C3orf20: variants seen among roughly 807,000 people sequenced by gnomAD.
C3orf20 encodes the protein family with sequence similarity 149 member C.
In C3orf20, 76 loss-of-function variants were observed where a neutral mutation model predicts 88.3. That is an observed-to-expected ratio of 0.86 (90% CI 0.72 to 1.04). C3orf20 has a LOEUF of 1.04. Among genes scored for constraint, C3orf20 ranks in the 50% least tolerant of loss-of-function variants. The pLI, the probability that C3orf20 is intolerant of heterozygous loss-of-function variation, is 0.00. For missense variants in C3orf20, 1,056 were observed against 1,123.3 expected, an observed-to-expected ratio of 0.94 and a Z score of 0.86; for synonymous variants, 436 against 437.4, an observed-to-expected ratio of 1.00 and a Z score of 0.04.
At chr3:14,741,355 T>C (rs2034892923) in intron 12 of C3orf20, among the ~76,000 whole-genome samples, 1 of 152,210 alleles carries the variant, frequency 6.6e-6, no homozygotes, top group Admixed American at 6.5e-5. Flanking sequence ...GCTTGGCTTC[T>C]CTGCCTGTCA....
intron 5 of C3orf20, among the ~76,000 whole-genome samples, chr3:14,698,524 C>T (rs1262881004): frequency 6.6e-6 from 1 of 152,252 alleles, no homozygotes; most frequent in Non-Finnish European, 1.5e-5. Flanking sequence ...CTTGCAGACT[C>T]AGAGAGGTAC....
chr3:14,717,374 G>A (rs1409800615), intron 9 of C3orf20, among the ~76,000 whole-genome samples: 2 of 152,170 alleles, frequency 1.3e-5, no homozygotes, highest in Non-Finnish European at 2.9e-5. Context: ...AAACAAGGTG[G>A]CCCTGGGGTT....
At position 14,773,030 on chromosome 3, in the gene C3orf20, G is replaced by A. The variant is rs1410084418; in HGVS notation, c.*155G>A. ...AGCATTGGGGTGAGGCTCTGGGGAA[G>A]GACAGACCCAGCTCATTCTGTCTTC... On this transcript the variant is annotated 3_prime_UTR_variant, in exon 17 of 17. Coordinates refer to ENST00000253697, the MANE Select transcript of C3orf20 (RefSeq NM_032137.5). 1 of 633,088 alleles carries A rather than the reference G, an allele frequency of 1.6e-6. No homozygotes were observed. The highest frequency in any genetic ancestry group is 2.8e-5 in the East Asian group (1 of 35,782). 39.2% of individuals were successfully genotyped at this position (633,088 alleles called of 1,614,324 possible). A position where few individuals can be genotyped will look rare whatever the true frequency, so the allele number is the denominator to read the frequency against.
chr3:14,682,632 T>C lies in C3orf20; in HGVS notation c.-82T>C. On this transcript the variant is annotated 5_prime_UTR_variant, in exon 3 of 17. Coordinates refer to ENST00000253697, the MANE Select transcript of C3orf20 (RefSeq NM_032137.5). ...CGTTTCAGCACATCCATTCTGTCCA[T>C]CTCCAAGCCTTCACCGTAGGGAAGA... is the stretch of plus-strand genomic sequence containing the variant. 1 of 1,512,430 alleles carries C rather than the reference T, an allele frequency of 6.6e-7. No individual in the cohort carries two copies. Among genetic ancestry groups the C allele is most frequent in the East Asian group, 2.3e-5 (1 of 44,234 alleles). 93.7% of individuals were successfully genotyped at this position (1,512,430 alleles called of 1,614,324 possible).
chr3:14,729,973 A>G (rs901868732), intron 12 of C3orf20, among the ~76,000 whole-genome samples: 11 of 152,382 alleles, frequency 7.2e-5, no homozygotes, highest in African/African-American at 2.6e-4. Context: ...AATATTACAA[A>G]GTAAACATAT....
intron 13 of C3orf20, among the ~76,000 whole-genome samples, chr3:14,759,546 C>T (rs1353183018): frequency 6.6e-6 from 1 of 152,170 alleles, no homozygotes; most frequent in Non-Finnish European, 1.5e-5. Flanking sequence ...CCTAAGAACA[C>T]AGTTCCCATC....
rs1221697056 is a variant in C3orf20 at position 14,738,807 on chromosome 3, A to AT, written c.1940+10126dup. Among the ~76,000 whole-genome samples the AT allele has an allele frequency of 3.0e-3, 293 of 98,900 alleles. 1 individual carries two copies. The highest frequency in any genetic ancestry group is 4.5e-3 in the African/African-American group (105 of 23,166). The allele number at this position is 98,900 out of a possible 152,430, so 64.9% of individuals were successfully genotyped here. On this transcript the variant is annotated intron_variant, in intron 12 of 16. Coordinates refer to ENST00000253697, the MANE Select transcript of C3orf20 (RefSeq NM_032137.5). ...AGGCATGCACCACCATGCCTGGCTA[A>AT]TTTTTTTGTTTTTTTTTTTTTTTTT...
In C3orf20 at chr3:14,731,301, T is replaced by A. The variant is rs189776749; in HGVS notation, c.1940+2613T>A. On this transcript the variant is annotated intron_variant, in intron 12 of 16. Transcript: ENST00000253697. ...TAATACATACAGGATTCATCCATATTGTTACATGGATCAGCAGTTCATTTC... is the reference window on the plus strand; with the variant it reads ...TAATACATACAGGATTCATCCATATAGTTACATGGATCAGCAGTTCATTTC... Among the ~76,000 whole-genome samples, 18 of 152,350 alleles carry A rather than the reference T, an allele frequency of 1.2e-4. No individual in the cohort carries two copies. The East Asian group carries it at 3.3e-3, about 28-fold the overall frequency.
At chr3:14,688,529 C>CAAAAAAAAAAAAAAAAAAAAA (rs35979290) in intron 4 of C3orf20, among the ~76,000 whole-genome samples, 10 of 105,776 alleles carry the variant, frequency 9.5e-5, no homozygotes, top group East Asian at 2.7e-4. Flanking sequence ...GAGACTGTCT[C>CAAAAAAAAAAAAAAAAAAAAA]AAAAAAAAAA....
chr3:14,742,069 T>C (rs2034916207), intron 12 of C3orf20, among the ~76,000 whole-genome samples: 1 of 152,174 alleles, frequency 6.6e-6, no homozygotes, highest in African/African-American at 2.4e-5. Context: ...GCCTCCTACC[T>C]CAGCAAGAGT....
In C3orf20 at chr3:14,682,593, T is replaced by G; in HGVS notation, c.-121T>G. ...TTCCGGATAGGAACCACTGGCTCAA[T>G]GACCTGTAAGGGCCGTTTCAGCACA... On this transcript the variant is annotated 5_prime_UTR_variant, in exon 3 of 17. It removes an upstream start codon present in the reference 5' UTR. Coordinates refer to ENST00000253697, the MANE Select transcript of C3orf20 (RefSeq NM_032137.5). 6 of 1,298,488 alleles carry G rather than the reference T, an allele frequency of 4.6e-6. No individual in the cohort carries two copies. In the East Asian group the frequency reaches 1.4e-4, roughly 30 times the overall value. 80.4% of individuals were successfully genotyped at this position (1,298,488 alleles called of 1,614,324 possible).
intron 12 of C3orf20, among the ~76,000 whole-genome samples, chr3:14,755,900 G>T (rs2035349549): frequency 6.6e-6 from 1 of 151,616 alleles, no homozygotes; most frequent in African/African-American, 2.4e-5. Flanking sequence ...GTGGTGGTGG[G>T]CGCCTGTAGT....
chr3:14,731,964 C>A (rs1385798749), intron 12 of C3orf20, among the ~76,000 whole-genome samples: 1 of 152,194 alleles, frequency 6.6e-6, no homozygotes, highest in Non-Finnish European at 1.5e-5. Flanking sequence ...ATACTGTGAG[C>A]AGGCTTTTAT....
chr3:14,727,172 A>G (rs998036379), intron 11 of C3orf20, 148 bp downstream of exon 11: 61 of 953,498 alleles, frequency 6.4e-5, no homozygotes, highest in Non-Finnish European at 9.3e-5. Context: ...TAGCAGAGAT[A>G]TTTCCCCATT....
At chr3:14,729,935 G>A (rs1195969330) in intron 12 of C3orf20, among the ~76,000 whole-genome samples, 2 of 152,176 alleles carry the variant, frequency 1.3e-5, no homozygotes, top group East Asian at 3.8e-4. Flanking sequence ...ACAGAAAAAT[G>A]AGCAAATCCT....
intron 12 of C3orf20, among the ~76,000 whole-genome samples, chr3:14,752,859 G>C (rs994755201): frequency 2.0e-5 from 3 of 152,224 alleles, no homozygotes; most frequent in Non-Finnish European, 4.4e-5. Flanking sequence ...AGAGGATGTG[G>C]AGAAATAGGC....
intron 5 of C3orf20, 32 bp from the exon 6 acceptor site, chr3:14,703,098 C>A: frequency 6.2e-7 from 1 of 1,612,818 alleles, no homozygotes; most frequent in Non-Finnish European, 8.5e-7. Context: ...TGGTCTTGGG[C>A]ATCTCTCTAA....
chr3:14,749,953 A>G (rs777088662), intron 12 of C3orf20, among the ~76,000 whole-genome samples: 2 of 151,860 alleles, frequency 1.3e-5, no homozygotes, highest in African/African-American at 4.8e-5. Flanking sequence ...ATTAACACAT[A>G]TGTACAATTA....
At position 14,686,774 on chromosome 3, in the gene C3orf20, A is replaced by T. The variant is rs1370263608; in HGVS notation, c.625+2392A>T. Among the ~76,000 whole-genome samples the T allele has an allele frequency of 2.0e-5, 3 of 152,240 alleles. No homozygotes were observed. In the South Asian group the frequency reaches 6.2e-4, roughly 32 times the overall value. ...AGTACTCACTGACAAGAGGTTTTAT[A>T]GGAAGCGTAAAAAAATTCTATCTCC... On this transcript the variant is annotated intron_variant, in intron 4 of 16. Coordinates refer to ENST00000253697, the MANE Select transcript of C3orf20 (RefSeq NM_032137.5).
Sources: allele counts gnomAD v4.1 joint callset (sites outside exome capture counted in the v4.1 genomes callset), GRCh38; gene constraint gnomAD v4.1.1; transcripts MANE v1.5; gene names NCBI Gene and HGNC (gene_info 2026-07-23, HGNC 2026-07-21).